Variants in PIWIL2 observed in about 807,000 individuals in gnomAD.
The protein encoded by PIWIL2 is piwi-like protein 2.
In PIWIL2, 81 loss-of-function variants were observed where a neutral mutation model predicts 116.5. The observed-to-expected ratio is 0.70, with a 90% confidence interval of 0.58 to 0.84. PIWIL2 has a LOEUF of 0.84. Among genes scored for constraint, PIWIL2 ranks in the 40% least tolerant of loss-of-function variants. PIWIL2 has a pLI of 0.00. For missense variants in PIWIL2, 1,272 were observed against 1,212.3 expected, an observed-to-expected ratio of 1.05 and a Z score of -0.73; for synonymous variants, 489 against 429.5, an observed-to-expected ratio of 1.14 and a Z score of -1.71.
intron 20 of PIWIL2, among the ~76,000 whole-genome samples, chr8:22,319,334 C>T (rs1466741858): frequency 1.3e-5 from 2 of 152,088 alleles, no homozygotes; most frequent in Admixed American, 6.6e-5. Flanking sequence ...CAGCAAGGTC[C>T]ATATGTTATG....
intron 15 of PIWIL2, among the ~76,000 whole-genome samples, chr8:22,310,602 A>G (rs1347233323): frequency 6.6e-6 from 1 of 151,750 alleles, no homozygotes; most frequent in Non-Finnish European, 1.5e-5. Flanking sequence ...ACACTTATAA[A>G]CGTGTAACTT....
intron 20 of PIWIL2, among the ~76,000 whole-genome samples, chr8:22,330,910 C>T (rs1477629732): frequency 2.0e-5 from 3 of 152,036 alleles, no homozygotes; most frequent in Admixed American, 6.6e-5. Context: ...CGAGGTGGCT[C>T]ACGCCTGTAA....
At chr8:22,286,227 GA>G (rs200184308) in intron 6 of PIWIL2, among the ~76,000 whole-genome samples, 1 of 151,916 alleles carries the variant, frequency 6.6e-6, no homozygotes. Context: ...CAGTTGTAGA[GA>G]AAAAAAAGGA....
At chr8:22,353,269 T>C (rs531059517) in intron 21 of PIWIL2, 57 bp downstream of exon 21, 2 of 1,480,670 alleles carry the variant, frequency 1.4e-6, no homozygotes, top group Non-Finnish European at 1.9e-6. Flanking sequence ...TGTTGTCACT[T>C]TCCTGAGTAT....
intron 20 of PIWIL2, among the ~76,000 whole-genome samples, chr8:22,324,204 G>A (rs931820770): frequency 4.6e-5 from 7 of 152,224 alleles, no homozygotes; most frequent in Non-Finnish European, 8.8e-5. Flanking sequence ...GAAGGTTGTA[G>A]TGTGCCAAGA....
chr8:22,307,703 T>C (rs968929300), intron 13 of PIWIL2, among the ~76,000 whole-genome samples: 19 of 152,002 alleles, frequency 1.2e-4, no homozygotes, highest in South Asian at 2.1e-4. Context: ...CCCATGTTGG[T>C]CTCGAACACC....
At position 22,305,952 on chromosome 8, in the gene PIWIL2, T is replaced by C; in HGVS notation, c.1481T>C (p.Leu494Pro). ...GMLLKGEILLLPELSFMTGIP... is the reference protein window; with the variant it reads ...GMLLKGEILLPPELSFMTGIP... Reference sequence around the variant, plus strand: ...CTGCTAAAAGGGGAAATCCTGCTGCTGCCTGAGCTTTCTTTTATGACCGGA... The same window carrying C: ...CTGCTAAAAGGGGAAATCCTGCTGCCGCCTGAGCTTTCTTTTATGACCGGA... Residue 494 changes from leucine (L) to proline (P), a missense_variant, in exon 13 of 23, where the codon CTG (leucine) becomes CCG (proline). Transcript: ENST00000356766. 2 of 1,614,064 alleles carry C rather than the reference T, an allele frequency of 1.2e-6. No homozygotes were observed. Among genetic ancestry groups the C allele is most frequent in the Non-Finnish European group, 1.7e-6 (2 of 1,179,912 alleles).
intron 20 of PIWIL2, among the ~76,000 whole-genome samples, chr8:22,345,481 C>T (rs1459715351): frequency 3.3e-5 from 5 of 151,810 alleles, no homozygotes; most frequent in South Asian, 2.1e-4. Flanking sequence ...GGCAACATGG[C>T]GAAACCGCAT....
intron 10 of PIWIL2, among the ~76,000 whole-genome samples, chr8:22,294,319 C>T (rs1342804534): frequency 2.6e-5 from 3 of 117,334 alleles, no homozygotes; most frequent in Non-Finnish European, 5.0e-5. Context: ...GCCTGGGTGA[C>T]GGAGTGAGAC....
rs755936306 is a variant in PIWIL2, at chr8:22,304,187, A to G, written c.1348A>G (p.Ile450Val). The G allele has an allele frequency of 2.5e-6, 4 of 1,613,424 alleles. No homozygotes were observed. The highest frequency in any genetic ancestry group is 1.7e-5 in the Admixed American group (1 of 59,976). ...DSFTMSDGKE[I>V]TFLEYYSKNY... ...CTTCACGATGTCTGATGGGAAAGAGATCACATTCTTGGAATACTACAGGTA... is the reference window on the plus strand; with the variant it reads ...CTTCACGATGTCTGATGGGAAAGAGGTCACATTCTTGGAATACTACAGGTA... The change falls in exon 11 of 23, where the codon ATC becomes GTC. Residue 450 changes from isoleucine (I) to valine (V), a missense_variant. By Grantham distance (29) the Ile-to-Val change is conservative (BLOSUM62 3). Transcript: ENST00000356766.
intron 9 of PIWIL2, 56 bp from the exon 10 acceptor site, chr8:22,290,177 A>G (rs2131999738): frequency 3.9e-6 from 4 of 1,021,650 alleles, no homozygotes; most frequent in Non-Finnish European, 6.1e-6. Flanking sequence ...ACATGGGGGC[A>G]TGGAAGTATA....
rs575777960 is a variant in PIWIL2, at chr8:22,332,673, A to G, written c.2403+14398A>G. 7.9e-5 allele frequency among the ~76,000 whole-genome samples: 12 copies of G among 152,242 alleles called. No homozygotes were observed. In the East Asian group the frequency reaches 2.3e-3, roughly 29 times the overall value. Reference sequence around the variant, plus strand: ...AAATAAACAGCGTAAGCCACAAGATAATAATATAATAGCTACAAAGCACTA... The same window carrying G: ...AAATAAACAGCGTAAGCCACAAGATGATAATATAATAGCTACAAAGCACTA... On this transcript the variant is annotated intron_variant, in intron 20 of 22. Coordinates refer to ENST00000356766, the MANE Select transcript of PIWIL2 (RefSeq NM_018068.5).
At chr8:22,313,696 G>C (rs182640231) in intron 16 of PIWIL2, among the ~76,000 whole-genome samples, 8 of 152,284 alleles carry the variant, frequency 5.3e-5, no homozygotes, top group African/African-American at 1.4e-4. Flanking sequence ...CTTGAGTGCT[G>C]CTTTTCTTTA....
chr8:22,286,930 A>AT (rs965058820), intron 6 of PIWIL2, among the ~76,000 whole-genome samples: 3 of 151,366 alleles, frequency 2.0e-5, no homozygotes, highest in African/African-American at 4.9e-5. Context: ...GCAAAAAAAA[A>AT]TTTTTTTTTA....
chr8:22,278,634 G>A (rs2131974673), intron 1 of PIWIL2, among the ~76,000 whole-genome samples: 1 of 152,360 alleles, frequency 6.6e-6, no homozygotes, highest in Admixed American at 6.5e-5. Context: ...TAAGGCAGGG[G>A]TTCCCAACCC....
chr8:22,288,072 G>A lies in PIWIL2; in HGVS notation c.861+427G>A, dbSNP rs146813287. On this transcript the variant is annotated intron_variant, in intron 7 of 22. Coordinates refer to ENST00000356766, the MANE Select transcript of PIWIL2 (RefSeq NM_018068.5). ...CTAGTACTTTGGGAGGCTAAGTCAG[G>A]TGGATCACGAGGTCACGAGATTGAG... Among the ~76,000 whole-genome samples the A allele has an allele frequency of 5.0e-3, 759 of 152,266 alleles. 6 individuals carry two copies. Among genetic ancestry groups the A allele is most frequent in the African/African-American group, 0.017 (688 of 41,542 alleles).
At chr8:22,286,387 G>A (rs1035233081) in intron 6 of PIWIL2, among the ~76,000 whole-genome samples, 7 of 152,166 alleles carry the variant, frequency 4.6e-5, no homozygotes, top group South Asian at 2.1e-4. Context: ...GTAAGAAAGC[G>A]GAGCTGAGCA....
At chr8:22,318,501 A>G (rs1831520853) in intron 20 of PIWIL2, among the ~76,000 whole-genome samples, 1 of 152,064 alleles carries the variant, frequency 6.6e-6, no homozygotes. Flanking sequence ...TATTTTTAGT[A>G]GAGATGTGGT....
chr8:22,290,713 A>G (rs1038233684), intron 10 of PIWIL2, among the ~76,000 whole-genome samples: 2 of 149,610 alleles, frequency 1.3e-5, no homozygotes, highest in Non-Finnish European at 3.0e-5. Context: ...CAGCCTCTCA[A>G]GGTGTTGAGA....
Sources: gnomAD v4.1 joint callset for allele counts (sites outside exome capture counted in the v4.1 genomes callset) on GRCh38, gnomAD v4.1.1 for gene constraint, MANE v1.5 for transcripts, NCBI Gene and HGNC (gene_info 2026-07-23, HGNC 2026-07-21) for gene names.